Variants in KLHL30 observed in about 807,000 individuals in gnomAD.
The protein encoded by KLHL30 is kelch-like protein 30.
KLHL30 carries 55 observed loss-of-function variants against 55.0 expected under a neutral mutation model. That is an observed-to-expected ratio of 1.00 (90% CI 0.80 to 1.25). The LOEUF is 1.25. KLHL30 is among the 50% of genes most tolerant of loss of function. The pLI, the probability that KLHL30 is intolerant of heterozygous loss-of-function variation, is 0.00. For synonymous variants in KLHL30, 356 were observed against 372.6 expected, an observed-to-expected ratio of 0.96 and a Z score of 0.51; for missense variants, 786 against 811.6, an observed-to-expected ratio of 0.97 and a Z score of 0.38.
In KLHL30 at chr2:238,147,788, C is replaced by G. The variant is rs1165583603; in HGVS notation, c.1151-46C>G. On this transcript the variant is annotated intron_variant, in intron 5 of 7. Coordinates refer to ENST00000409223, the MANE Select transcript of KLHL30 (RefSeq NM_198582.4). The surrounding 1 kb of genome is among the most constrained non-coding windows in gnomAD (Gnocchi z 5.8). ...CCCCAGCCCCTGAGTTTCCAGGCCT[C>G]CCCTCTCCTCCCCAGCCCTGAACTG... The G allele has an allele frequency of 7.8e-7, 1 of 1,284,746 alleles. No homozygotes were observed. Among genetic ancestry groups the G allele is most frequent in the African/African-American group, 1.5e-5 (1 of 65,086 alleles). The allele number at this position is 1,284,746 out of a possible 1,614,324, so 79.6% of individuals were successfully genotyped here.
intron 7 of KLHL30, among the ~76,000 whole-genome samples, chr2:238,149,494 C>A (rs1559277924): frequency 6.6e-6 from 1 of 152,174 alleles, no homozygotes; most frequent in Non-Finnish European, 1.5e-5. Context: ...GTGCCCTGGC[C>A]CGAGTCCCCT....
Position 238,152,115 on chromosome 2 carries a change from G to A in KLHL30, c.*1050G>A. On this transcript the variant is annotated 3_prime_UTR_variant, in exon 8 of 8. Coordinates refer to ENST00000409223, the MANE Select transcript of KLHL30 (RefSeq NM_198582.4). Reference sequence around the variant, plus strand: ...TCCGCCCTGGGACATGGGGCTAGAAGTCAGGAGTCGGGCCCGGCCAGGCAC... The same window carrying A: ...TCCGCCCTGGGACATGGGGCTAGAAATCAGGAGTCGGGCCCGGCCAGGCAC... 4 of 985,586 alleles carry A rather than the reference G, an allele frequency of 4.1e-6. No homozygotes were observed. The highest frequency in any genetic ancestry group is 4.8e-6 in the Non-Finnish European group (4 of 830,056). The allele number at this position is 985,586 out of a possible 1,614,324, so 61.1% of individuals were successfully genotyped here. A position where few individuals can be genotyped will look rare whatever the true frequency, so the allele number is the denominator to read the frequency against.
chr2:238,145,755 A>G lies in KLHL30; in HGVS notation c.1073A>G (p.Lys358Arg), dbSNP rs1358810079. Residue 358 changes from lysine to arginine, a missense_variant, in exon 5 of 8, where the codon AAG becomes AGG. By Grantham distance (26) the Lys-to-Arg change is conservative. Coordinates refer to ENST00000409223, the MANE Select transcript of KLHL30 (RefSeq NM_198582.4). Reference sequence around the variant, plus strand: ...TTCCCCCTGAAGGAGGCCTCCTGGAAGCCCGTGGCGCCCATGCTGAAGCCC... The same window carrying G: ...TTCCCCCTGAAGGAGGCCTCCTGGAGGCCCGTGGCGCCCATGCTGAAGCCC... The part of the protein sequence containing the change: ...WCFPLKEASW[K>R]PVAPMLKPRT... 1.2e-6 allele frequency: 2 copies of G among 1,603,798 alleles called. No individual in the cohort carries two copies. Among genetic ancestry groups the G allele is most frequent in the Non-Finnish European group, 1.7e-6 (2 of 1,176,342 alleles).
intron 1 of KLHL30, among the ~76,000 whole-genome samples, chr2:238,139,191 G>A (rs73102328): frequency 0.083 from 12,713 of 152,282 alleles, 584 homozygotes; most frequent in South Asian, 0.13. Flanking sequence ...GGCCCCCAGG[G>A]GAAGTGGGGG....
chr2:238,139,207 A>ATGCG (rs1410340111), intron 1 of KLHL30, among the ~76,000 whole-genome samples: 2 of 152,196 alleles, frequency 1.3e-5, no homozygotes, highest in Non-Finnish European at 2.9e-5. Context: ...GGGGGCGCTC[A>ATGCG]TGCGTGCCTG....
At chr2:238,145,363 G>A (rs1412301862) in intron 4 of KLHL30, among the ~76,000 whole-genome samples, 1 of 152,132 alleles carries the variant, frequency 6.6e-6, no homozygotes, top group Non-Finnish European at 1.5e-5. Context: ...TTGGTCCCCA[G>A]AAAGAGTCGT....
chr2:238,146,031 G>A (rs1439864331), intron 5 of KLHL30, among the ~76,000 whole-genome samples, 199 bp downstream of exon 5: 2 of 152,134 alleles, frequency 1.3e-5, no homozygotes, highest in Non-Finnish European at 2.9e-5. Context: ...AAGACCCACA[G>A]CCCAGGTGTC....
rs369652057 is a variant in KLHL30 at position 238,142,989 on chromosome 2, G to T, written c.907+58G>T. The T allele has an allele frequency of 6.1e-5, 90 of 1,467,158 alleles. 1 individual carries two copies. The East Asian group carries it at 1.3e-3, about 20-fold the overall frequency. 90.9% of individuals were successfully genotyped at this position (1,467,158 alleles called of 1,614,324 possible). A position where few individuals can be genotyped will look rare whatever the true frequency, so the allele number is the denominator to read the frequency against. ...CTGTCTCTCTGTCCCAGCGGGAGCC[G>T]CTGTGTCCTCCTTGCAGGTGGAGCG... is the stretch of plus-strand genomic sequence containing the variant. On this transcript the variant is annotated intron_variant, in intron 3 of 7. Coordinates refer to ENST00000409223, the MANE Select transcript of KLHL30 (RefSeq NM_198582.4).
Position 238,140,844 on chromosome 2 carries a change from C to A in KLHL30, c.90C>A (p.Pro30=), listed in dbSNP as rs557458310. ...LDGLQRLRSQ[P]KLADVTLLVG... ...GCCTGCAGCGCCTGCGCTCTCAGCC[C>A]AAGCTGGCCGACGTCACACTGCTGG... The change falls in exon 2 of 8, where the codon CCC becomes CCA. Residue 30 remains proline (P), a synonymous_variant. Transcript: ENST00000409223. 137 of 1,610,464 alleles carry A rather than the reference C, an allele frequency of 8.5e-5. 1 individual carries two copies. In the South Asian group the frequency reaches 1.4e-3, roughly 17 times the overall value.
intron 5 of KLHL30, among the ~76,000 whole-genome samples, chr2:238,146,561 C>T (rs1692651605): frequency 6.6e-6 from 1 of 150,824 alleles, no homozygotes; most frequent in African/African-American, 2.4e-5. Context: ...TGCATGCCAC[C>T]ATGCCCAGAT....
chr2:238,142,763 T>A, intron 2 of KLHL30, 36 bp from the exon 3 acceptor site: 1 of 1,360,290 alleles, frequency 7.4e-7, no homozygotes. Flanking sequence ...TGGGGACACA[T>A]TGCTGTTGCC....
At chr2:238,146,311 G>C (rs1692647711) in intron 5 of KLHL30, among the ~76,000 whole-genome samples, 1 of 150,926 alleles carries the variant, frequency 6.6e-6, no homozygotes, top group African/African-American at 2.4e-5. Flanking sequence ...AGGAGGACAG[G>C]GTCTCTCTAT....
intron 3 of KLHL30, among the ~76,000 whole-genome samples, chr2:238,143,817 G>T (rs1000322075): frequency 6.6e-6 from 1 of 152,322 alleles, no homozygotes; most frequent in South Asian, 2.1e-4. Context: ...GTTGACGGCT[G>T]GGCAACCCCC....
intron 1 of KLHL30, among the ~76,000 whole-genome samples, chr2:238,139,553 G>A (rs76740456): frequency 0.016 from 2,458 of 152,292 alleles, 48 homozygotes; most frequent in East Asian, 0.08. Flanking sequence ...GGGGTCAAGA[G>A]GTGGCACCGG....
rs757761694 is a variant in KLHL30 at position 238,142,831 on chromosome 2, G to A, written c.807G>A (p.Glu269=). 9.7e-6 allele frequency: 14 copies of A among 1,440,976 alleles called. No individual in the cohort carries two copies. The highest frequency in any genetic ancestry group is 1.8e-6 in the Non-Finnish European group (2 of 1,101,486). The allele number at this position is 1,440,976 out of a possible 1,614,324, so 89.3% of individuals were successfully genotyped here. A position where few individuals can be genotyped will look rare whatever the true frequency, so the allele number is the denominator to read the frequency against. Residue 269 remains glutamate (E), a synonymous_variant, in exon 3 of 8, where the codon GAG becomes GAA. Coordinates refer to ENST00000409223, the MANE Select transcript of KLHL30 (RefSeq NM_198582.4). ...TCGCCCTCCAGCAGAAGCTGGAGGA[G>A]GTCCTGGTGGTGGTGGGCGGGCAGG... ...APLALQQKLE[E]VLVVVGGQAL...
rs189412276 is a variant in KLHL30 at position 238,140,599 on chromosome 2, G to A, written c.-70-86G>A. 284 of 693,090 alleles carry A rather than the reference G, an allele frequency of 4.1e-4. 1 individual carries two copies. The highest frequency in any genetic ancestry group is 2.6e-3 in the Middle Eastern group (7 of 2,712). The allele number at this position is 693,090 out of a possible 1,614,324, so 42.9% of individuals were successfully genotyped here. A position where few individuals can be genotyped will look rare whatever the true frequency, so the allele number is the denominator to read the frequency against. ...GCCCATCCTGTGTTTATCAAGGGGT[G>A]GAAAGGGCTGATGGACAGACCGGGT... On this transcript the variant is annotated intron_variant, in intron 1 of 7. Coordinates refer to ENST00000409223, the MANE Select transcript of KLHL30 (RefSeq NM_198582.4).
intron 5 of KLHL30, among the ~76,000 whole-genome samples, chr2:238,146,941 G>A (rs1353716634): frequency 6.7e-6 from 1 of 150,296 alleles, no homozygotes; most frequent in Non-Finnish European, 1.5e-5. Flanking sequence ...TGGAGGCAGA[G>A]GTTGCAGTGA....
At chr2:238,140,616 A>G in intron 1 of KLHL30, 69 bp from the exon 2 acceptor site, 1 of 802,660 alleles carries the variant, frequency 1.2e-6, no homozygotes, top group Non-Finnish European at 1.9e-6. Flanking sequence ...GCTGATGGAC[A>G]GACCGGGTGG....
At position 238,150,078 on chromosome 2, in the gene KLHL30, C is replaced by T. The variant is rs116641694; in HGVS notation, c.1486-736C>T. Among the ~76,000 whole-genome samples the T allele has an allele frequency of 2.0e-3, 305 of 152,286 alleles. 1 individual carries two copies. Among genetic ancestry groups the T allele is most frequent in the African/African-American group, 6.9e-3 (286 of 41,556 alleles). ...AGCTGACCCAGGGCCCCCATTACAG[C>T]GGTGAGACAGGTGCAGGGTGGGCCC... On this transcript the variant is annotated intron_variant, in intron 7 of 7. Coordinates refer to ENST00000409223, the MANE Select transcript of KLHL30 (RefSeq NM_198582.4).
Sources: allele counts gnomAD v4.1 joint callset (sites outside exome capture counted in the v4.1 genomes callset), GRCh38; gene constraint gnomAD v4.1.1; non-coding constraint Gnocchi (gnomAD v3.1); transcripts MANE v1.5; gene names NCBI Gene and HGNC (gene_info 2026-07-23, HGNC 2026-07-21).